Variants in AIG1 observed in about 807,000 individuals in gnomAD.
The protein encoded by AIG1 is androgen induced 1, also known as androgen-induced gene 1 protein.
Under a neutral mutation model 31.4 loss-of-function variants are expected in AIG1, and 23 were observed. That is an observed-to-expected ratio of 0.73 (90% CI 0.53 to 1.04). The LOEUF (loss-of-function observed/expected upper bound fraction) is 1.04. AIG1 is among the 50% of genes least tolerant of loss of function. The probability of loss-of-function intolerance (pLI) is 0.00; values close to 1 mark genes in which losing one functional copy is unlikely to be tolerated. For missense variants in AIG1, 274 were observed against 295.0 expected, an observed-to-expected ratio of 0.93 and a Z score of 0.52; for synonymous variants, 100 against 110.5, an observed-to-expected ratio of 0.90 and a Z score of 0.60.
chr6:143,134,654 G>A (rs142247581), intron 1 of AIG1, among the ~76,000 whole-genome samples: 79 of 151,924 alleles, frequency 5.2e-4, no homozygotes, highest in African/African-American at 1.8e-3. Context: ...GCATCTTTAA[G>A]TTACTATAGA....
At chr6:143,190,602 A>G in intron 3 of AIG1, 1 of 985,432 alleles carries the variant, frequency 1.0e-6, no homozygotes, top group Non-Finnish European at 1.2e-6. Flanking sequence ...AAAAAACTTC[A>G]TTCAGTGTCC....
At chr6:143,188,043 A>G (rs1010982439) in intron 3 of AIG1, 42 of 1,078,326 alleles carry the variant, frequency 3.9e-5, no homozygotes, top group Non-Finnish European at 4.5e-5. Flanking sequence ...TGATTTTTAA[A>G]AAACATTTGC....
intron 1 of AIG1, among the ~76,000 whole-genome samples, chr6:143,066,191 G>A (rs1776685201): frequency 1.3e-5 from 2 of 152,152 alleles, no homozygotes; most frequent in African/African-American, 4.8e-5. Flanking sequence ...GTTGATAAAT[G>A]CTGCTCTAAG....
chr6:143,305,784 A>G (rs974848205), intron 4 of AIG1, among the ~76,000 whole-genome samples: 7 of 151,558 alleles, frequency 4.6e-5, no homozygotes, highest in South Asian at 2.1e-4. Flanking sequence ...TATCCTTGTT[A>G]ACTTTCTGTC....
Position 143,083,072 on chromosome 6 carries a change from G to A in AIG1, c.141+22006G>A, listed in dbSNP as rs537461226. ...CAGGGTTTTGGGATGAGGATAAGCC[G>A]ATATAGGCTGGATACGTTCCTCACT... On this transcript the variant is annotated intron_variant, in intron 1 of 5. Transcript: ENST00000357847. Among the ~76,000 whole-genome samples, 39 of 152,360 alleles carry A rather than the reference G, an allele frequency of 2.6e-4. 1 individual carries two copies. In the East Asian group the frequency reaches 3.3e-3, roughly 13 times the overall value.
At chr6:143,106,259 C>T (rs745326151) in intron 1 of AIG1, among the ~76,000 whole-genome samples, 10 of 152,216 alleles carry the variant, frequency 6.6e-5, no homozygotes, top group South Asian at 2.1e-4. Context: ...CCAAGGAACA[C>T]GGAAGGTTGC....
intron 3 of AIG1, among the ~76,000 whole-genome samples, chr6:143,262,671 A>T (rs1446753715): frequency 6.6e-6 from 1 of 152,190 alleles, no homozygotes; most frequent in Non-Finnish European, 1.5e-5. Flanking sequence ...TATGCATCAA[A>T]ACAGAACTAA....
In AIG1 at chr6:143,221,959, A is replaced by G. The variant is rs1792553263; in HGVS notation, c.399+56776A>G. Among the ~76,000 whole-genome samples, 5 of 152,208 alleles carry G rather than the reference A, an allele frequency of 3.3e-5. No homozygotes were observed. The South Asian group carries it at 1.0e-3, about 32-fold the overall frequency. ...ACAGGATGATAAGGTAGAAATAGCA[A>G]CATGCTGCAGGGCAAGAGATCTGGG... On this transcript the variant is annotated intron_variant, in intron 3 of 5. Transcript: ENST00000357847.
intron 3 of AIG1, among the ~76,000 whole-genome samples, chr6:143,171,615 A>G (rs539246348): frequency 2.2e-4 from 32 of 147,450 alleles, no homozygotes; most frequent in Middle Eastern, 3.5e-3. Flanking sequence ...TATTTTTGAA[A>G]TTGCAAATTT....
chr6:143,207,083 G>C (rs1297598755), intron 3 of AIG1, among the ~76,000 whole-genome samples: 1 of 152,114 alleles, frequency 6.6e-6, no homozygotes, highest in African/African-American at 2.4e-5. Flanking sequence ...GGTACATGGA[G>C]CATGTTGAGG....
At chr6:143,251,213 C>T (rs1326100684) in intron 3 of AIG1, among the ~76,000 whole-genome samples, 8 of 152,040 alleles carry the variant, frequency 5.3e-5, no homozygotes, top group African/African-American at 1.7e-4. Context: ...CCACCACGCC[C>T]GGCTAATTTT....
intron 3 of AIG1, among the ~76,000 whole-genome samples, chr6:143,229,927 A>T (rs746084196): frequency 6.6e-6 from 1 of 152,106 alleles, no homozygotes; most frequent in East Asian, 1.9e-4. Flanking sequence ...ATCAGATTCG[A>T]TGGGACATTT....
In AIG1 at chr6:143,061,005, T is replaced by C. The variant is rs199926867; in HGVS notation, c.80T>C (p.Ile27Thr). 3.1e-6 allele frequency: 5 copies of C among 1,613,288 alleles called. No individual in the cohort carries two copies. The highest frequency in any genetic ancestry group is 3.3e-5 in the Admixed American group (2 of 59,978). Reference sequence around the variant, plus strand: ...TCTATCCTGTGTAACTACAAGGCCATCGAAATGCCCTCACACCAGACCTAC... The same window carrying C: ...TCTATCCTGTGTAACTACAAGGCCACCGAAATGCCCTCACACCAGACCTAC... ...YCSILCNYKA[I>T]EMPSHQTYGG... The change falls in exon 1 of 6, where the codon ATC becomes ACC. Residue 27 changes from isoleucine (I) to threonine (T), a missense_variant. Around this residue, in one of 2 missense-constraint regions of AIG1, gnomAD observed 243 missense variants for 238.5 expected, o/e 1.02. Coordinates refer to ENST00000357847, the MANE Select transcript of AIG1 (RefSeq NM_016108.4).
chr6:143,079,332 G>A (rs893153464), intron 1 of AIG1, among the ~76,000 whole-genome samples: 3 of 152,150 alleles, frequency 2.0e-5, no homozygotes, highest in Non-Finnish European at 4.4e-5. Context: ...TGCTGTCAGT[G>A]TTTGCTTCCC....
intron 3 of AIG1, among the ~76,000 whole-genome samples, chr6:143,230,874 C>T (rs953455277): frequency 2.6e-5 from 4 of 152,166 alleles, no homozygotes; most frequent in African/African-American, 4.8e-5. Context: ...TTACACCTTG[C>T]CCCTCTTTAT....
intron 3 of AIG1, among the ~76,000 whole-genome samples, chr6:143,211,443 G>A (rs188914102): frequency 4.3e-4 from 65 of 152,306 alleles, no homozygotes; most frequent in African/African-American, 1.5e-3. Context: ...CCCATTTGCA[G>A]GAACCACAGA....
chr6:143,282,531 G>C (rs986753580), intron 3 of AIG1, among the ~76,000 whole-genome samples: 1 of 152,052 alleles, frequency 6.6e-6, no homozygotes, highest in African/African-American at 2.4e-5. Flanking sequence ...ATGTACATTG[G>C]CTTGCATGAC....
intron 3 of AIG1, among the ~76,000 whole-genome samples, chr6:143,206,463 C>A (rs1425008156): frequency 6.6e-6 from 1 of 152,142 alleles, no homozygotes; most frequent in African/African-American, 2.4e-5. Context: ...TGCCAGCCTG[C>A]TAACAGAAAG....
chr6:143,230,563 A>G (rs1793365833), intron 3 of AIG1, among the ~76,000 whole-genome samples: 1 of 149,872 alleles, frequency 6.7e-6, no homozygotes, highest in African/African-American at 2.4e-5. Context: ...CAACTATAAT[A>G]TGATTAATAT....
Sources: gnomAD v4.1 joint callset for allele counts (sites outside exome capture counted in the v4.1 genomes callset) on GRCh38, gnomAD v4.1.1 for gene constraint, gnomAD v4.1.1 regional missense constraint, MANE v1.5 for transcripts, NCBI Gene and HGNC (gene_info 2026-07-23, HGNC 2026-07-21) for gene names.